Variants in PRKN observed in about 807,000 individuals in gnomAD.
PRKN encodes the protein parkin RBR E3 ubiquitin protein ligase.
In PRKN, 56 loss-of-function variants were observed where a neutral mutation model predicts 59.5. That is an observed-to-expected ratio of 0.94 (90% CI 0.76 to 1.18). PRKN has a LOEUF of 1.18. Among genes scored for constraint, PRKN ranks in the 50% most tolerant of loss-of-function variants. PRKN has a pLI of 0.00. For missense variants in PRKN, 657 were observed against 596.4 expected (o/e 1.10, Z -1.06); for synonymous variants, 250 against 222.1 (o/e 1.13, Z -1.12).
At chr6:161,382,086 T>A (rs553119843) in intron 10 of PRKN, among the ~76,000 whole-genome samples, 2 of 119,250 alleles carry the variant, frequency 1.7e-5, no homozygotes, top group East Asian at 4.7e-4. Flanking sequence ...TAGTCCGGCC[T>A]GGGTGAAAGA....
chr6:161,865,753 T>C (rs975704226), intron 6 of PRKN, among the ~76,000 whole-genome samples: 2 of 151,866 alleles, frequency 1.3e-5, no homozygotes, highest in Non-Finnish European at 3.0e-5. Context: ...TTGTGGCTGG[T>C]TTGATCTATC....
chr6:162,317,901 T>G (rs1174991905), intron 2 of PRKN, among the ~76,000 whole-genome samples: 1 of 151,250 alleles, frequency 6.6e-6, no homozygotes, highest in Non-Finnish European at 1.5e-5. Flanking sequence ...TCTGAAGTTT[T>G]TTTAACATGG....
At chr6:161,787,716 G>A (rs1300430885) in intron 6 of PRKN, among the ~76,000 whole-genome samples, 1 of 152,212 alleles carries the variant, frequency 6.6e-6, no homozygotes, top group Non-Finnish European at 1.5e-5. Flanking sequence ...GGAGGCTGAG[G>A]CAGGCGGATC....
chr6:162,662,878 T>C (rs891309029), intron 1 of PRKN, among the ~76,000 whole-genome samples: 3 of 152,178 alleles, frequency 2.0e-5, no homozygotes, highest in African/African-American at 7.2e-5. Context: ...GGAATGATTC[T>C]GTTGCACACT....
At chr6:161,738,741 G>A (rs1728114117) in intron 7 of PRKN, among the ~76,000 whole-genome samples, 1 of 152,146 alleles carries the variant, frequency 6.6e-6, no homozygotes, top group Non-Finnish European at 1.5e-5. Flanking sequence ...CCTGCAGGTG[G>A]GGGTCCAGCA....
At chr6:162,662,305 G>T (rs1584003446) in intron 1 of PRKN, among the ~76,000 whole-genome samples, 1 of 149,164 alleles carries the variant, frequency 6.7e-6, no homozygotes, top group Non-Finnish European at 1.5e-5. Context: ...TGAGTTCCTT[G>T]TAGATTCTGG....
At chr6:162,345,148 C>T (rs903254092) in intron 2 of PRKN, among the ~76,000 whole-genome samples, 4 of 152,256 alleles carry the variant, frequency 2.6e-5, no homozygotes, top group African/African-American at 4.8e-5. Flanking sequence ...GGAATAACTC[C>T]GAATACAACA....
intron 1 of PRKN, among the ~76,000 whole-genome samples, chr6:162,632,636 T>A (rs1331864870): frequency 6.6e-6 from 1 of 151,966 alleles, no homozygotes; most frequent in African/African-American, 2.4e-5. Context: ...TACTCCTGTA[T>A]CTAAGATAAA....
At position 161,462,322 on chromosome 6, in the gene PRKN, G is replaced by A. The variant is rs537066738; in HGVS notation, c.1084-75445C>T. The stretch of plus-strand genomic sequence containing the variant: ...ATCACCTGAACTTCCAGCTATCTGT[G>A]GTTTATAAGCTGGCATAAGCTGGCA... On this transcript the variant is annotated intron_variant, in intron 9 of 11. Transcript: ENST00000366898. The surrounding 1 kb of genome is among the most constrained non-coding windows in gnomAD (Gnocchi z 4.5). 6.6e-6 allele frequency among the ~76,000 whole-genome samples: 1 copy of A among 152,150 alleles called. No individual in the cohort carries two copies.
At chr6:162,560,104 C>T (rs919982033) in intron 1 of PRKN, among the ~76,000 whole-genome samples, 8 of 152,094 alleles carry the variant, frequency 5.3e-5, no homozygotes, top group Non-Finnish European at 8.8e-5. Flanking sequence ...AACTTATCAA[C>T]GACATTAATA....
intron 2 of PRKN, among the ~76,000 whole-genome samples, chr6:162,349,068 T>C (rs1784519444): frequency 6.6e-6 from 1 of 152,194 alleles, no homozygotes; most frequent in South Asian, 2.1e-4. Flanking sequence ...ATAACCTGAA[T>C]AGAATTTGTT....
chr6:161,669,765 A>C (rs945519898), intron 7 of PRKN, among the ~76,000 whole-genome samples: 1 of 152,190 alleles, frequency 6.6e-6, no homozygotes, highest in East Asian at 1.9e-4. Flanking sequence ...CTGTTTCTAC[A>C]TGTGGTGTGA....
intron 3 of PRKN, among the ~76,000 whole-genome samples, chr6:162,236,449 C>T (rs1778719656): frequency 6.6e-6 from 1 of 152,156 alleles, no homozygotes; most frequent in Admixed American, 6.5e-5. Context: ...TTCCACCCCA[C>T]TCCTCCACAC....
At chr6:161,908,532 T>TA (rs1305714653) in intron 6 of PRKN, among the ~76,000 whole-genome samples, 10 of 152,088 alleles carry the variant, frequency 6.6e-5, no homozygotes, top group Non-Finnish European at 1.2e-4. Context: ...TTGACAGAGG[T>TA]AAAAAACATT....
intron 7 of PRKN, among the ~76,000 whole-genome samples, chr6:161,707,090 G>A (rs1786532733): frequency 6.6e-6 from 1 of 152,100 alleles, no homozygotes; most frequent in Admixed American, 6.5e-5. Flanking sequence ...GTGTTTGGTA[G>A]ATTTGAAGCA....
chr6:161,949,322 C>T (rs982077994), intron 6 of PRKN, among the ~76,000 whole-genome samples: 5 of 152,124 alleles, frequency 3.3e-5, no homozygotes, highest in South Asian at 2.1e-4. Flanking sequence ...ACCAGCCTGG[C>T]CAACATGGTG....
intron 6 of PRKN, among the ~76,000 whole-genome samples, chr6:161,836,266 A>G (rs1283628123): frequency 6.6e-6 from 1 of 152,118 alleles, no homozygotes; most frequent in African/African-American, 2.4e-5. Context: ...GAGCCCTGCC[A>G]TATGTGGGCT....
At chr6:162,088,673 C>G (rs974407526) in intron 4 of PRKN, among the ~76,000 whole-genome samples, 1 of 152,144 alleles carries the variant, frequency 6.6e-6, no homozygotes, top group African/African-American at 2.4e-5. Context: ...TCACTGAAGA[C>G]GACATATCAA....
intron 7 of PRKN, among the ~76,000 whole-genome samples, chr6:161,690,741 G>A (rs1785751151): frequency 6.6e-6 from 1 of 152,012 alleles, no homozygotes; most frequent in Non-Finnish European, 1.5e-5. Flanking sequence ...ATCCTCTCCT[G>A]CCCTCAGCAC....
Sources: gnomAD v4.1 joint callset for allele counts (sites outside exome capture counted in the v4.1 genomes callset) on GRCh38, gnomAD v4.1.1 for gene constraint, Gnocchi (gnomAD v3.1) non-coding constraint, MANE v1.5 for transcripts, NCBI Gene and HGNC (gene_info 2026-07-23, HGNC 2026-07-21) for gene names.